Variants in ADCY4 observed in about 807,000 individuals in gnomAD.
ADCY4 encodes adenylate cyclase 4.
Under a neutral mutation model 125.5 loss-of-function variants are expected in ADCY4, and 111 were observed. The ratio of observed to expected loss-of-function variants is 0.88; its 90% CI spans 0.76 to 1.04. The LOEUF is 1.04. Ranked by LOEUF, ADCY4 falls within the 50% of genes least tolerant of loss-of-function variation. ADCY4 has a pLI of 0.00. For missense variants in ADCY4, 1,256 were observed against 1,382.9 expected (o/e 0.91, Z 1.46); for synonymous variants, 576 against 586.9 (o/e 0.98, Z 0.27).
Position 24,325,580 on chromosome 14 carries a change from C to T in ADCY4, c.1726-106G>A, listed in dbSNP as rs1267675806. 37 of 1,065,778 alleles carry T rather than the reference C, an allele frequency of 3.5e-5. No homozygotes were observed. In the South Asian group the frequency reaches 5.1e-4, roughly 15 times the overall value. The allele number at this position is 1,065,778 out of a possible 1,614,324, so 66.0% of individuals were successfully genotyped here. On this transcript the variant is annotated intron_variant, in intron 13 of 24. Transcript: ENST00000418030. ...GGGCTCCTCAGCCTCACCGCCCAGGCTCCAGTTCAGTTCCATGTAGACCCT... is the reference window on the plus strand; with the variant it reads ...GGGCTCCTCAGCCTCACCGCCCAGGTTCCAGTTCAGTTCCATGTAGACCCT...
At position 24,329,390 on chromosome 14, in the gene ADCY4, T is replaced by C; in HGVS notation, c.1350+11A>G. 6 of 1,547,604 alleles carry C rather than the reference T, an allele frequency of 3.9e-6. No homozygotes were observed. The highest frequency in any genetic ancestry group is 4.3e-6 in the Non-Finnish European group (5 of 1,149,938). On this transcript the variant is annotated intron_variant, in intron 9 of 24. Coordinates refer to ENST00000418030, the MANE Select transcript of ADCY4 (RefSeq NM_001198568.2). Reference sequence around the variant, plus strand: ...GTAGGCCAGCCCATGGGGTCTGGGCTGGGCTTTTACCCGTGGATCGATGAC... The same window carrying C: ...GTAGGCCAGCCCATGGGGTCTGGGCCGGGCTTTTACCCGTGGATCGATGAC...
rs752028912 is a variant in ADCY4, at chr14:24,329,466, TGC to T, written c.1283_1284del (p.Gly428AspfsTer28). 6.3e-7 allele frequency: 1 copy of T among 1,582,732 alleles called. No individual in the cohort carries two copies. Among genetic ancestry groups the T allele is most frequent in the Non-Finnish European group, 8.6e-7 (1 of 1,167,518 alleles). ...CGAAGGTAGGGGTCCCGATGCTCCA[TGC>T]CTGCGTCCTCCACAGCATAAGCCCC... ...LAGAYAVEDA[G>X]MEHRDPYLRE... On this transcript the variant is annotated frameshift_variant, in exon 9 of 25. Transcript: ENST00000418030. LOFTEE classifies it high-confidence loss of function.
At position 24,319,822 on chromosome 14, in the gene ADCY4, A is replaced by G; in HGVS notation, c.2653T>C (p.Phe885Leu). The G allele has an allele frequency of 6.2e-7, 1 of 1,613,758 alleles. No homozygotes were observed. The highest frequency in any genetic ancestry group is 8.5e-7 in the Non-Finnish European group (1 of 1,179,966). ...TGATTGATGTTGGATTCAGAGTAGA[A>G]CTCCTTGAAGTCTGGGACTGAGGCG... is the stretch of plus-strand genomic sequence containing the variant. The part of the protein sequence containing the change: ...LFASVPDFKE[F>L]YSESNINHEG... The change falls in exon 21 of 25, where the codon TTC becomes CTC. Residue 885 changes from phenylalanine (F) to leucine (L), a missense_variant. Physicochemically the swap from Phe to Leu is conservative, Grantham distance 22. Coordinates refer to ENST00000418030, the MANE Select transcript of ADCY4 (RefSeq NM_001198568.2). This position sits in a 1 kb window ranked among gnomAD's most constrained non-coding sequence, Gnocchi z 4.5.
At chr14:24,324,850 C>T (rs2041917086) in intron 14 of ADCY4, among the ~76,000 whole-genome samples, 1 of 152,002 alleles carries the variant, frequency 6.6e-6, no homozygotes, top group Middle Eastern at 3.4e-3. Context: ...ATTACAGGCG[C>T]CTGCCATCTC....
chr14:24,331,778 C>T lies in ADCY4; in HGVS notation c.669+10G>A, dbSNP rs756394779. 3.2e-6 allele frequency: 5 copies of T among 1,568,332 alleles called. No homozygotes were observed. The highest frequency in any genetic ancestry group is 1.7e-4 in the Middle Eastern group (1 of 5,856). On this transcript the variant is annotated intron_variant, in intron 4 of 24. Transcript: ENST00000418030. ...GGAGCGCTGCTCTGACCTTCCTAGGCCCGGCTGACCTGGTGCTTCTTCTCG... is the reference window on the plus strand; with the variant it reads ...GGAGCGCTGCTCTGACCTTCCTAGGTCCGGCTGACCTGGTGCTTCTTCTCG...
rs193106063 is a variant in ADCY4, at chr14:24,327,069, G to A, written c.1525-727C>T. Among the ~76,000 whole-genome samples, 858 of 151,856 alleles carry A rather than the reference G, an allele frequency of 5.7e-3. 31 individuals carry two copies. The highest frequency in any genetic ancestry group is 0.048 in the Admixed American group (731 of 15,258). On this transcript the variant is annotated intron_variant, in intron 10 of 24. Coordinates refer to ENST00000418030, the MANE Select transcript of ADCY4 (RefSeq NM_001198568.2). ...GCACCACCACGCCTGGCTGATTTTT[G>A]TATTTTTAGTAGAGATGGGGTTTCG...
At chr14:24,323,567 G>A in intron 16 of ADCY4, 113 bp from the exon 17 acceptor site, 2 of 1,487,126 alleles carry the variant, frequency 1.3e-6, no homozygotes, top group Non-Finnish European at 9.0e-7. Flanking sequence ...GTCCAAAGGG[G>A]TGGATCCTGC....
intron 19 of ADCY4, 90 bp downstream of exon 19, chr14:24,322,534 G>C: frequency 7.3e-7 from 1 of 1,368,808 alleles, no homozygotes; most frequent in Non-Finnish European, 1.0e-6. Flanking sequence ...CTTCCAATGG[G>C]CATTCAACCC....
Position 24,329,988 on chromosome 14 carries a change from G to A in ADCY4, c.1089C>T (p.Ile363=). The part of the protein sequence containing the change: ...RKLRAATGVD[I]NMRVGVHSGS... The stretch of plus-strand genomic sequence containing the variant: ...CTGAGTGCACGCCCACACGCATGTT[G>A]ATGTCCACGCCAGTGGCTGCCCGCA... The change falls in exon 8 of 25, where the codon ATC becomes ATT. Residue 363 remains isoleucine, a synonymous_variant. Transcript: ENST00000418030. The A allele has an allele frequency of 6.2e-7, 1 of 1,614,086 alleles. No homozygotes were observed. Among genetic ancestry groups the A allele is most frequent in the Non-Finnish European group, 8.5e-7 (1 of 1,179,980 alleles).
Position 24,318,569 on chromosome 14 carries a change from C to T in ADCY4, c.3082-1G>A. The T allele has an allele frequency of 6.2e-7, 1 of 1,614,144 alleles. No homozygotes were observed. On this transcript the variant is annotated splice_acceptor_variant, in intron 24 of 24. Coordinates refer to ENST00000418030, the MANE Select transcript of ADCY4 (RefSeq NM_001198568.2). LOFTEE classifies it high-confidence loss of function. ...GGGCCCATGCTGTCTCCTCAGTCAC[C>T]TACAATTGGAGGGGGGCGAGGGAAT...
intron 1 of ADCY4, among the ~76,000 whole-genome samples, chr14:24,333,417 A>T (rs2042081551): frequency 6.6e-6 from 1 of 151,388 alleles, no homozygotes; most frequent in Non-Finnish European, 1.5e-5. Flanking sequence ...TTAGTAGAAG[A>T]CAGGGTCTCG....
intron 16 of ADCY4, 131 bp downstream of exon 16, chr14:24,323,930 TC>T: frequency 7.5e-7 from 1 of 1,325,050 alleles, no homozygotes; most frequent in Non-Finnish European, 1.0e-6. Context: ...TTTTTTTCTT[TC>T]TATTTGTACA....
At chr14:24,331,464 G>A (rs79523684) in intron 4 of ADCY4, 108 bp from the exon 5 acceptor site, 35,611 of 1,486,526 alleles carry the variant, frequency 0.024, 518 homozygotes, top group Non-Finnish European at 0.029. Context: ...TGCTCCCCAG[G>A]GTGCTCCCCC....
At position 24,330,177 on chromosome 14, in the gene ADCY4, C is replaced by T. The variant is rs145239286; in HGVS notation, c.1049G>A (p.Arg350Gln). Residue 350 changes from arginine (R) to glutamine (Q), a missense_variant, in exon 7 of 25, where the codon CGG becomes CAG. Coordinates refer to ENST00000418030, the MANE Select transcript of ADCY4 (RefSeq NM_001198568.2). ...NCVRMGLDMC[R>Q]AIRKLRAATG... ...CACCGCCTGAGCTGACCTGATGGCC[C>T]GGCACATGTCCAGGCCCATGCGCAC... The T allele has an allele frequency of 9.6e-5, 155 of 1,613,802 alleles. No individual in the cohort carries two copies. Among genetic ancestry groups the T allele is most frequent in the Middle Eastern group, 3.3e-4 (2 of 6,044 alleles).
Position 24,332,620 on chromosome 14 carries a change from C to G in ADCY4, c.421G>C (p.Ala141Pro). The stretch of plus-strand genomic sequence containing the variant: ...GAGGAGGCGAGGCCCGCGACGGCGG[C>G]GTCCCGCATGCCCAAGGGCAGCATG... ...YAMLPLGMRD[A>P]AVAGLASSLS... The change falls in exon 3 of 25, where the codon GCC becomes CCC. Residue 141 changes from alanine (A) to proline (P), a missense_variant. Coordinates refer to ENST00000418030, the MANE Select transcript of ADCY4 (RefSeq NM_001198568.2). The G allele has an allele frequency of 6.3e-7, 1 of 1,581,794 alleles. No individual in the cohort carries two copies. The highest frequency in any genetic ancestry group is 8.6e-7 in the Non-Finnish European group (1 of 1,163,992).
At chr14:24,321,989 G>A in intron 20 of ADCY4, 77 bp downstream of exon 20, 1 of 1,501,002 alleles carries the variant, frequency 6.7e-7, no homozygotes, top group South Asian at 1.4e-5. Flanking sequence ...AGAGAAAACG[G>A]GCCATAGGTC....
chr14:24,319,077 G>T lies in ADCY4; in HGVS notation c.2956+21C>A, dbSNP rs1431028970. The stretch of plus-strand genomic sequence containing the variant: ...GAAGGTGAGGAGGTACCAGACTGCT[G>T]CAGCAGGGGAAGTCTCTCACCCACT... On this transcript the variant is annotated intron_variant, in intron 23 of 24. Coordinates refer to ENST00000418030, the MANE Select transcript of ADCY4 (RefSeq NM_001198568.2). The surrounding 1 kb of genome is among the most constrained non-coding windows in gnomAD (Gnocchi z 4.5). 5 of 1,612,426 alleles carry T rather than the reference G, an allele frequency of 3.1e-6. No homozygotes were observed. Among genetic ancestry groups the T allele is most frequent in the Non-Finnish European group, 4.2e-6 (5 of 1,178,596 alleles).
chr14:24,318,469 A>G lies in ADCY4; in HGVS notation c.3181T>C (p.Phe1061Leu). 6.2e-7 allele frequency: 1 copy of G among 1,614,186 alleles called. No homozygotes were observed. Among genetic ancestry groups the G allele is most frequent in the Non-Finnish European group, 8.5e-7 (1 of 1,180,022 alleles). Residue 1061 changes from phenylalanine (F) to leucine (L), a missense_variant, in exon 25 of 25, where the codon TTC (phenylalanine) becomes CTC (leucine). Phe to Leu is a conservative substitution (Grantham distance 22). Transcript: ENST00000418030. ...VKGKGQLCTY[F>L]LNTDLTRTGP... ...GTTCGTGTCAAGTCTGTGTTCAGGAAGTAGGTGCAGAGCTGCCCTTTGCCT... is the reference window on the plus strand; with the variant it reads ...GTTCGTGTCAAGTCTGTGTTCAGGAGGTAGGTGCAGAGCTGCCCTTTGCCT...
Position 24,318,381 on chromosome 14 carries a change from C to T in ADCY4, c.*35G>A, listed in dbSNP as rs765847484. 23 of 1,606,928 alleles carry T rather than the reference C, an allele frequency of 1.4e-5. 1 individual carries two copies. The highest frequency in any genetic ancestry group is 1.6e-5 in the Non-Finnish European group (19 of 1,175,588). On this transcript the variant is annotated 3_prime_UTR_variant, in exon 25 of 25. Coordinates refer to ENST00000418030, the MANE Select transcript of ADCY4 (RefSeq NM_001198568.2). ...CAATGGGCTCCAGACACCCCAGAGT[C>T]TCTTTATTGAGGTTCTTAGAAGGCG...
Sources: gnomAD v4.1 joint callset for allele counts (sites outside exome capture counted in the v4.1 genomes callset) on GRCh38, gnomAD v4.1.1 for gene constraint, Gnocchi (gnomAD v3.1) non-coding constraint, MANE v1.5 for transcripts, NCBI Gene and HGNC (gene_info 2026-07-23, HGNC 2026-07-21) for gene names.